The following RIMS1 variants were observed in gnomAD, a reference collection of about 807,000 sequenced individuals.
RIMS1 encodes regulating synaptic membrane exocytosis protein 1.
In RIMS1, 83 loss-of-function variants were observed where a neutral mutation model predicts 214.1. The observed-to-expected ratio is 0.39, with a 90% CI of 0.32 to 0.47. The LOEUF (loss-of-function observed/expected upper bound fraction) is 0.47, where lower values mean the gene tolerates loss of function less well. Ranked by LOEUF, RIMS1 falls within the 20% of genes least tolerant of loss-of-function variation. The pLI is 0.99. For synonymous variants in RIMS1, 793 were observed against 786.8 expected (o/e 1.01, Z -0.13); for missense variants, 2,050 against 2,161.8 (o/e 0.95, Z 1.03).
chr6:72,160,461 C>T (rs1279530725), intron 4 of RIMS1, among the ~76,000 whole-genome samples: 2 of 139,404 alleles, frequency 1.4e-5, no homozygotes, highest in East Asian at 4.1e-4. Context: ...TGTCTTGTGC[C>T]AGTTTTCAAA....
At chr6:71,968,626 A>G (rs1294475801) in intron 1 of RIMS1, among the ~76,000 whole-genome samples, 1 of 152,212 alleles carries the variant, frequency 6.6e-6, no homozygotes, top group Non-Finnish European at 1.5e-5. Context: ...AAAATTTAAC[A>G]TATCAACGCA....
chr6:72,382,754 T>G (rs774055375), intron 29 of RIMS1, among the ~76,000 whole-genome samples: 5 of 152,218 alleles, frequency 3.3e-5, no homozygotes, highest in Non-Finnish European at 7.3e-5. Context: ...ATACTCTTTC[T>G]CTTCAGGACC....
At chr6:72,071,265 G>A (rs750305352) in intron 2 of RIMS1, among the ~76,000 whole-genome samples, 1 of 152,038 alleles carries the variant, frequency 6.6e-6, no homozygotes, top group Non-Finnish European at 1.5e-5. Flanking sequence ...ACCAGGTGTG[G>A]TCATTCATGC....
At chr6:72,245,702 T>C (rs1217646028) in intron 10 of RIMS1, 113 bp from the exon 11 acceptor site, 2 of 746,880 alleles carry the variant, frequency 2.7e-6, no homozygotes, top group Non-Finnish European at 4.6e-6. Flanking sequence ...CCTATTCATT[T>C]CCACACCTGT....
chr6:71,927,423 T>C (rs924821860), intron 1 of RIMS1, among the ~76,000 whole-genome samples: 1 of 152,126 alleles, frequency 6.6e-6, no homozygotes, highest in Admixed American at 6.6e-5. Flanking sequence ...AAGTGTATCC[T>C]GTGATGAATA....
intron 4 of RIMS1, among the ~76,000 whole-genome samples, chr6:72,166,568 C>G (rs926159311): frequency 6.6e-6 from 1 of 151,952 alleles, no homozygotes; most frequent in East Asian, 1.9e-4. Flanking sequence ...TACAAATAAA[C>G]TGTATTTTTA....
chr6:72,266,426 G>C, intron 22 of RIMS1: 1 of 284,640 alleles, frequency 3.5e-6, no homozygotes, highest in South Asian at 4.0e-5. Flanking sequence ...TTTCCTCTTA[G>C]TACCACTGAT....
intron 29 of RIMS1, among the ~76,000 whole-genome samples, chr6:72,368,760 T>C (rs890866677): frequency 9.2e-5 from 14 of 152,118 alleles, no homozygotes; most frequent in Admixed American, 2.0e-4. Context: ...TAAAGTTTAT[T>C]GCATTAATCT....
At chr6:72,019,003 A>T (rs1277880805) in intron 2 of RIMS1, among the ~76,000 whole-genome samples, 1 of 152,132 alleles carries the variant, frequency 6.6e-6, no homozygotes, top group Non-Finnish European at 1.5e-5. Flanking sequence ...ATTAGATAAG[A>T]AATTGACTAA....
chr6:72,185,238 C>G (rs1240643969), intron 6 of RIMS1, among the ~76,000 whole-genome samples: 2 of 151,782 alleles, frequency 1.3e-5, no homozygotes, highest in Non-Finnish European at 2.9e-5. Context: ...AAGAGAACCC[C>G]GATAAATAGA....
intron 2 of RIMS1, among the ~76,000 whole-genome samples, chr6:72,011,975 A>T (rs1810800187): frequency 6.6e-6 from 1 of 152,182 alleles, no homozygotes; most frequent in African/African-American, 2.4e-5. Flanking sequence ...CCATCCCATT[A>T]CTGGGTATAT....
chr6:71,968,910 G>A (rs1196110123), intron 1 of RIMS1, 73 bp from the exon 2 acceptor site: 9 of 1,402,622 alleles, frequency 6.4e-6, no homozygotes, highest in African/African-American at 1.4e-5. Flanking sequence ...TTTCAGTACC[G>A]TGTTTAATTT....
At chr6:72,035,657 A>G (rs1157060600) in intron 2 of RIMS1, among the ~76,000 whole-genome samples, 3 of 152,204 alleles carry the variant, frequency 2.0e-5, no homozygotes. Context: ...CAAGAAAACC[A>G]GTCCTGTTAA....
chr6:72,235,489 T>A, intron 7 of RIMS1, 129 bp from the exon 8 acceptor site: 1 of 582,928 alleles, frequency 1.7e-6, no homozygotes, highest in Non-Finnish European at 3.1e-6. Flanking sequence ...GTTCCTGGCT[T>A]ATTTCACTTA....
At chr6:71,902,936 A>G (rs1288888862) in intron 1 of RIMS1, among the ~76,000 whole-genome samples, 4 of 152,122 alleles carry the variant, frequency 2.6e-5, no homozygotes, top group Non-Finnish European at 5.9e-5. Flanking sequence ...ACTGGTGGCC[A>G]TTTGGGTTAA....
At position 72,179,630 on chromosome 6, in the gene RIMS1, G is replaced by A. The variant is rs376314364; in HGVS notation, c.527G>A (p.Gly176Glu). Residue 176 changes from glycine (G) to glutamate (E), a missense_variant, in exon 5 of 34, where the codon GGG becomes GAG. This residue lies in a region of RIMS1 where 882 missense variants were observed against 828.9 expected (regional missense o/e 1.06). Coordinates refer to ENST00000521978, the MANE Select transcript of RIMS1 (RefSeq NM_014989.7). ...RKQQEILTKSGAWFFGSGPQQ... is the reference protein window; with the variant it reads ...RKQQEILTKSEAWFFGSGPQQ... Reference sequence around the variant, plus strand: ...CAACAAGAAATCTTAACCAAATCTGGGGCATGGTTCTTTGGAAGTGGCCCT... The same window carrying A: ...CAACAAGAAATCTTAACCAAATCTGAGGCATGGTTCTTTGGAAGTGGCCCT... 1.2e-5 allele frequency: 20 copies of A among 1,613,774 alleles called. No homozygotes were observed. The highest frequency in any genetic ancestry group is 1.6e-4 in the Middle Eastern group (1 of 6,082).
chr6:71,964,430 G>A (rs958489911), intron 1 of RIMS1, among the ~76,000 whole-genome samples: 3 of 152,132 alleles, frequency 2.0e-5, no homozygotes, highest in African/African-American at 7.2e-5. Flanking sequence ...AGTAAATGCT[G>A]GGTGACCAGT....
At chr6:71,973,803 G>C (rs116411454) in intron 2 of RIMS1, among the ~76,000 whole-genome samples, 43 of 152,320 alleles carry the variant, frequency 2.8e-4, no homozygotes, top group African/African-American at 1.0e-3. Flanking sequence ...GCTGGGAGCT[G>C]TCTTAGAAAT....
At chr6:72,280,371 C>G (rs1167791271) in intron 23 of RIMS1, among the ~76,000 whole-genome samples, 1 of 151,860 alleles carries the variant, frequency 6.6e-6, no homozygotes, top group Admixed American at 6.6e-5. Context: ...TTGTTCTAAC[C>G]TTTCCTATTT....
Sources: allele counts gnomAD v4.1 joint callset (sites outside exome capture counted in the v4.1 genomes callset), GRCh38; gene constraint gnomAD v4.1.1; regional missense constraint gnomAD v4.1.1; transcripts MANE v1.5; gene names NCBI Gene and HGNC (gene_info 2026-07-23, HGNC 2026-07-21).